Variants in ENTPD1 observed in about 807,000 individuals in gnomAD.
The protein encoded by ENTPD1 is ectonucleoside triphosphate diphosphohydrolase 1, also known as ATP diphosphohydrolase.
Under a neutral mutation model 57.0 loss-of-function variants are expected in ENTPD1, and 33 were observed. That is an observed-to-expected ratio of 0.58 (90% CI 0.44 to 0.77). The LOEUF is 0.77. ENTPD1 is among the 30% of genes least tolerant of loss of function. The pLI, the probability that ENTPD1 is intolerant of heterozygous loss-of-function variation, is 0.00. For missense variants in ENTPD1, 501 were observed against 603.4 expected, an observed-to-expected ratio of 0.83 and a Z score of 1.78; for synonymous variants, 202 against 218.8, an observed-to-expected ratio of 0.92 and a Z score of 0.68.
rs551931533 is a variant in ENTPD1, at chr10:95,857,322, A to G, written c.1075-3147A>G. ...TTTTTATAATTTGTACTTACTTTAT[A>G]AAGCAAATGTCACTACTTAGCAAAA... On this transcript the variant is annotated intron_variant, in intron 7 of 9. Transcript: ENST00000371205. 2.6e-5 allele frequency among the ~76,000 whole-genome samples: 4 copies of G among 152,362 alleles called. No individual in the cohort carries two copies. The South Asian group carries it at 8.3e-4, about 32-fold the overall frequency.
chr10:95,704,156 C>T, the ENTPD1 span, among the ~76,000 whole-genome samples: 1 of 151,958 alleles, frequency 6.6e-6, no homozygotes, highest in Non-Finnish European at 1.5e-5. Flanking sequence ...AATAGAAAAC[C>T]TAAATGAGAG....
At chr10:95,804,951 C>G (rs1324935567) in intron 1 of ENTPD1, among the ~76,000 whole-genome samples, 1 of 151,964 alleles carries the variant, frequency 6.6e-6, no homozygotes, top group African/African-American at 2.4e-5. Context: ...TGGTTTTTGT[C>G]TTTGGTATAG....
intron 3 of ENTPD1, among the ~76,000 whole-genome samples, chr10:95,841,366 G>A (rs973149217): frequency 4.7e-5 from 7 of 150,200 alleles, no homozygotes; most frequent in Non-Finnish European, 8.8e-5. Context: ...CAGCCTGGGC[G>A]ACAGAGCAAG....
chr10:95,876,675 A>G lies in ENTPD1; in HGVS notation c.*10292A>G, dbSNP rs1209018328. 4.9e-6 allele frequency: 6 copies of G among 1,219,276 alleles called. No homozygotes were observed. Among genetic ancestry groups the G allele is most frequent in the Non-Finnish European group, 6.1e-6 (6 of 979,254 alleles). 75.5% of individuals were successfully genotyped at this position (1,219,276 alleles called of 1,614,324 possible). A position where few individuals can be genotyped will look rare whatever the true frequency, so the allele number is the denominator to read the frequency against. Reference sequence around the variant, plus strand: ...GACAGGCCATTCTAATAACAGAAACAAACAAGTTATTTTAAAACTTATTGG... The same window carrying G: ...GACAGGCCATTCTAATAACAGAAACGAACAAGTTATTTTAAAACTTATTGG... On this transcript the variant is annotated 3_prime_UTR_variant, in exon 10 of 10. Transcript: ENST00000371205.
In ENTPD1 at chr10:95,866,329, C is replaced by G. The variant is rs146889178; in HGVS notation, c.1479C>G (p.Ile493Met). The G allele has an allele frequency of 1.7e-4, 275 of 1,614,204 alleles. 3 individuals are homozygous for G. The East Asian group carries it at 5.1e-3, about 30-fold the overall frequency. Residue 493 changes from isoleucine (I) to methionine (M), a missense_variant, in exon 10 of 10, where the codon ATC (isoleucine) becomes ATG (methionine). Physicochemically the swap from Ile to Met is conservative, Grantham distance 10 (BLOSUM62 1). Transcript: ENST00000371205. ...CCCTGGTCCTTTTCACAGTGGCCAT[C>G]ATAGGCTTGCTTATCTTTCACAAGC... ...LFSLVLFTVAIIGLLIFHKPS... is the reference protein window; with the variant it reads ...LFSLVLFTVAMIGLLIFHKPS...
chr10:95,812,224 T>C (rs2098311289), intron 1 of ENTPD1, among the ~76,000 whole-genome samples: 1 of 152,210 alleles, frequency 6.6e-6, no homozygotes, highest in South Asian at 2.1e-4. Context: ...AAAAGCTCCT[T>C]TGTGGCCCTT....
At chr10:95,765,002 G>A (rs752604533) in intron 1 of ENTPD1, among the ~76,000 whole-genome samples, 2 of 152,036 alleles carry the variant, frequency 1.3e-5, no homozygotes, top group Admixed American at 6.5e-5. Flanking sequence ...GATTACAGGC[G>A]TGAGCCACCA....
In ENTPD1 at chr10:95,876,154, T is replaced by C; in HGVS notation, c.*9771T>C. 2.0e-6 allele frequency: 2 copies of C among 985,270 alleles called. No individual in the cohort carries two copies. Among genetic ancestry groups the C allele is most frequent in the Non-Finnish European group, 2.4e-6 (2 of 829,792 alleles). 61.0% of individuals were successfully genotyped at this position (985,270 alleles called of 1,614,324 possible). ...ATAAACAGATTCCCAGTTTTGAAAA[T>C]GCAACATTTGTACTCCACATTGTCA... On this transcript the variant is annotated 3_prime_UTR_variant, in exon 10 of 10. Transcript: ENST00000371205.
chr10:95,868,944 C>T lies in ENTPD1; in HGVS notation c.*2561C>T, dbSNP rs1044033731. 2.0e-6 allele frequency: 2 copies of T among 985,250 alleles called. No individual in the cohort carries two copies. The highest frequency in any genetic ancestry group is 2.4e-6 in the Non-Finnish European group (2 of 829,938). The allele number at this position is 985,250 out of a possible 1,614,324, so 61.0% of individuals were successfully genotyped here. A position where few individuals can be genotyped will look rare whatever the true frequency, so the allele number is the denominator to read the frequency against. ...TTATGGAGACAATCAGCAGACACAA[C>T]CTAACCCCAATTATTTTGGCAGGAA... is the stretch of plus-strand genomic sequence containing the variant. On this transcript the variant is annotated 3_prime_UTR_variant, in exon 10 of 10. Transcript: ENST00000371205.
intron 1 of ENTPD1, among the ~76,000 whole-genome samples, chr10:95,732,775 C>T (rs1381369875): frequency 2.6e-5 from 4 of 152,030 alleles, no homozygotes; most frequent in Admixed American, 6.5e-5. Context: ...TCCATGATGC[C>T]CCCCAAGCCG....
Position 95,870,815 on chromosome 10 carries a change from T to G in ENTPD1, c.*4432T>G. ...TAACCATGTTTCTTTCCATTTGTAT[T>G]AGGTCCTTTACTTTTTATAACAGCC... On this transcript the variant is annotated 3_prime_UTR_variant, in exon 10 of 10. Coordinates refer to ENST00000371205, the MANE Select transcript of ENTPD1 (RefSeq NM_001776.6). 1 of 985,432 alleles carries G rather than the reference T, an allele frequency of 1.0e-6. No individual in the cohort carries two copies. The highest frequency in any genetic ancestry group is 1.2e-6 in the Non-Finnish European group (1 of 829,922). The allele number at this position is 985,432 out of a possible 1,614,324, so 61.0% of individuals were successfully genotyped here. A position where few individuals can be genotyped will look rare whatever the true frequency, so the allele number is the denominator to read the frequency against.
chr10:95,741,368 A>G (rs2098000124), intron 1 of ENTPD1, among the ~76,000 whole-genome samples: 1 of 152,246 alleles, frequency 6.6e-6, no homozygotes, highest in Non-Finnish European at 1.5e-5. Context: ...TTATATGGGC[A>G]TGGTTCATGG....
intron 1 of ENTPD1, among the ~76,000 whole-genome samples, chr10:95,716,404 C>T (rs996237191): frequency 7.9e-5 from 12 of 152,054 alleles, no homozygotes; most frequent in African/African-American, 2.7e-4. Flanking sequence ...TATGGTTTGT[C>T]GCCACCAAAA....
intron 1 of ENTPD1, among the ~76,000 whole-genome samples, chr10:95,718,827 T>C (rs1410260602): frequency 6.6e-6 from 1 of 152,212 alleles, no homozygotes; most frequent in Non-Finnish European, 1.5e-5. Context: ...TGGGATCAGT[T>C]AAGGGAACCT....
intron 3 of ENTPD1, among the ~76,000 whole-genome samples, chr10:95,842,061 T>G (rs1194336179): frequency 6.6e-6 from 1 of 152,124 alleles, no homozygotes; most frequent in East Asian, 1.9e-4. Context: ...ATCTATAATA[T>G]CCCCATTAAA....
At chr10:95,700,025 T>TGCCCC in the ENTPD1 span, among the ~76,000 whole-genome samples, 12 of 152,200 alleles carry the variant, frequency 7.9e-5, no homozygotes, top group African/African-American at 2.9e-4. Context: ...TGGAATAGTT[T>TGCCCC]GCCTTTGTAC....
chr10:95,785,632 G>T (rs1345067115), intron 1 of ENTPD1, among the ~76,000 whole-genome samples: 1 of 152,176 alleles, frequency 6.6e-6, no homozygotes, highest in Non-Finnish European at 1.5e-5. Flanking sequence ...GCTGAAGGAA[G>T]TTGGGAGGTG....
intron 1 of ENTPD1, among the ~76,000 whole-genome samples, chr10:95,815,126 T>C (rs1164729392): frequency 6.6e-6 from 1 of 152,220 alleles, no homozygotes; most frequent in African/African-American, 2.4e-5. Flanking sequence ...GATTGGTTAA[T>C]TGGAGAAATA....
At chr10:95,845,944 A>C in intron 6 of ENTPD1, 1 of 269,162 alleles carries the variant, frequency 3.7e-6, no homozygotes, top group Non-Finnish European at 7.1e-6. Context: ...CCACTTTTTA[A>C]AGCTCCCTTT....
Sources: gnomAD v4.1 joint callset for allele counts (sites outside exome capture counted in the v4.1 genomes callset) on GRCh38, gnomAD v4.1.1 for gene constraint, MANE v1.5 for transcripts, NCBI Gene and HGNC (gene_info 2026-07-23, HGNC 2026-07-21) for gene names.